Variants in PATE1 observed in about 807,000 individuals in gnomAD.
PATE1 encodes prostate and testis expressed protein 1.
PATE1 carries 21 observed loss-of-function variants against 13.1 expected under a neutral mutation model. The ratio of observed to expected loss-of-function variants is 1.61; its 90% CI spans 1.14 to 2.31. The LOEUF (loss-of-function observed/expected upper bound fraction) is 2.31. PATE1 is among the 30% of genes most tolerant of loss of function. The pLI, the probability that PATE1 is intolerant of heterozygous loss-of-function variation, is 0.00. For missense variants in PATE1, 166 were observed against 147.2 expected (o/e 1.13, Z -0.66); for synonymous variants, 52 against 47.1 (o/e 1.10, Z -0.43).
chr11:125,748,054 A>G lies in PATE1; in HGVS notation c.247+232A>G. 1.5e-5 allele frequency: 8 copies of G among 544,498 alleles called. 1 individual carries two copies. In the South Asian group the frequency reaches 1.7e-4, roughly 12 times the overall value. 33.7% of individuals were successfully genotyped at this position (544,498 alleles called of 1,614,324 possible). A position where few individuals can be genotyped will look rare whatever the true frequency, so the allele number is the denominator to read the frequency against. ...TTAGCATTTTGAGAAGCCTGAAGAA[A>G]ACAGAGGAGAATAAATCAAGGTAAG... On this transcript the variant is annotated intron_variant, in intron 4 of 4. Transcript: ENST00000305738.
At chr11:125,748,503 C>A (rs1316403347) in intron 4 of PATE1, 97 bp from the exon 5 acceptor site, 4 of 1,403,036 alleles carry the variant, frequency 2.9e-6, no homozygotes, top group East Asian at 4.6e-5. Flanking sequence ...TTGAACTACA[C>A]AAGATTATTT....
rs1173805238 is a variant in PATE1, at chr11:125,747,827, G to C, written c.247+5G>C. On this transcript the variant is annotated splice_donor_5th_base_variant and intron_variant, in intron 4 of 4. Coordinates refer to ENST00000305738, the MANE Select transcript of PATE1 (RefSeq NM_138294.3). ...TGGTTGGAAGGATGTTCAAAAGTAAGTTGTGGGTTGGGGAAAAGAAGAACG... is the reference window on the plus strand; with the variant it reads ...TGGTTGGAAGGATGTTCAAAAGTAACTTGTGGGTTGGGGAAAAGAAGAACG... The C allele has an allele frequency of 6.2e-7, 1 of 1,613,636 alleles. No homozygotes were observed. The highest frequency in any genetic ancestry group is 8.5e-7 in the Non-Finnish European group (1 of 1,179,674).
intron 2 of PATE1, 116 bp from the exon 3 acceptor site, chr11:125,747,260 G>T: frequency 1.1e-6 from 1 of 890,914 alleles, no homozygotes; most frequent in Admixed American, 1.9e-5. Flanking sequence ...AGTGGGCCTG[G>T]AATGGCTCCA....
chr11:125,748,089 G>T (rs957129653), intron 4 of PATE1: 3 of 452,768 alleles, frequency 6.6e-6, no homozygotes, highest in South Asian at 2.4e-5. Flanking sequence ...GAGAATAGGT[G>T]TAATCTATGC....
intron 3 of PATE1, 128 bp from the exon 4 acceptor site, chr11:125,747,572 G>T (rs495356): frequency 0.82 from 1,188,751 of 1,441,844 alleles, 491,358 homozygotes; most frequent in African/African-American, 0.91. Flanking sequence ...CAGAGGAAGA[G>T]GTTCACGCTT....
At chr11:125,747,348 A>T in intron 2 of PATE1, 28 bp from the exon 3 acceptor site, 1 of 1,606,514 alleles carries the variant, frequency 6.2e-7, no homozygotes, top group South Asian at 1.1e-5. Flanking sequence ...CACATTTCAG[A>T]TGTGTTTTCT....
chr11:125,748,423 C>G lies in PATE1; in HGVS notation c.248-177C>G, dbSNP rs1591456918. On this transcript the variant is annotated intron_variant, in intron 4 of 4. Transcript: ENST00000305738. ...AAATGATCATTTTAGACTGCTCCATCACTGCATTTCTTTTGGGAAGCCCCC... is the reference window on the plus strand; with the variant it reads ...AAATGATCATTTTAGACTGCTCCATGACTGCATTTCTTTTGGGAAGCCCCC... Among the ~76,000 whole-genome samples, 6 of 152,340 alleles carry G rather than the reference C, an allele frequency of 3.9e-5. No homozygotes were observed. The South Asian group carries it at 1.2e-3, about 32-fold the overall frequency.
chr11:125,747,884 A>G, intron 4 of PATE1, 62 bp downstream of exon 4: 2 of 1,604,638 alleles, frequency 1.2e-6, no homozygotes, highest in African/African-American at 1.3e-5. Context: ...CGTATCAGCC[A>G]CAGGGGAAAG....
chr11:125,747,848 G>T, intron 4 of PATE1, 26 bp downstream of exon 4: 3 of 1,613,194 alleles, frequency 1.9e-6, no homozygotes, highest in Non-Finnish European at 2.5e-6. Flanking sequence ...GGGAAAAGAA[G>T]AACGGGCAGA....
intron 2 of PATE1, 155 bp from the exon 3 acceptor site, chr11:125,747,221 C>T (rs773176352): frequency 1.5e-6 from 1 of 675,488 alleles, no homozygotes; most frequent in African/African-American, 1.8e-5. Context: ...CAGAGATGCC[C>T]AGTAGGTGAC....
In PATE1 at chr11:125,747,828, T is replaced by C. The variant is rs758659061; in HGVS notation, c.247+6T>C. ...GGTTGGAAGGATGTTCAAAAGTAAG[T>C]TGTGGGTTGGGGAAAAGAAGAACGG... On this transcript the variant is annotated splice_donor_region_variant and intron_variant, in intron 4 of 4. Coordinates refer to ENST00000305738, the MANE Select transcript of PATE1 (RefSeq NM_138294.3). The C allele has an allele frequency of 1.2e-6, 2 of 1,613,416 alleles. No homozygotes were observed. Among genetic ancestry groups the C allele is most frequent in the South Asian group, 1.1e-5 (1 of 91,048 alleles).
intron 1 of PATE1, 90 bp downstream of exon 1, chr11:125,746,446 A>C: frequency 1.4e-6 from 2 of 1,443,498 alleles, no homozygotes; most frequent in Non-Finnish European, 1.9e-6. Context: ...TGGGAGTCCT[A>C]TGGCAACTGA....
At chr11:125,746,596 A>C in intron 1 of PATE1, 65 bp from the exon 2 acceptor site, 1 of 1,576,734 alleles carries the variant, frequency 6.3e-7, no homozygotes, top group Non-Finnish European at 8.7e-7. Flanking sequence ...ATGTTCATAG[A>C]AGCTTTGAGA....
Position 125,748,833 on chromosome 11 carries a change from CACT to C in PATE1, c.*103_*105del, listed in dbSNP as rs1943304356. 1.7e-3 allele frequency: 2,300 copies of C among 1,358,202 alleles called. No individual in the cohort carries two copies. The highest frequency in any genetic ancestry group is 2.6e-3 in the Middle Eastern group (12 of 4,666). The allele number at this position is 1,358,202 out of a possible 1,614,324, so 84.1% of individuals were successfully genotyped here. Reference sequence around the variant, plus strand: ...AAAAAATCACACACACACACACACACACTACAGAAGAGGATTGCAAACACATGG... The same window carrying C: ...AAAAAATCACACACACACACACACACACAGAAGAGGATTGCAAACACATGG... On this transcript the variant is annotated 3_prime_UTR_variant, in exon 5 of 5. Transcript: ENST00000305738.
At chr11:125,747,571 A>T in intron 3 of PATE1, 129 bp from the exon 4 acceptor site, 2 of 1,449,314 alleles carry the variant, frequency 1.4e-6, no homozygotes, top group Non-Finnish European at 1.9e-6. Flanking sequence ...ACAGAGGAAG[A>T]GGTTCACGCT....
chr11:125,748,814 T>TCACACACACACA lies in PATE1; in HGVS notation c.*91_*102dup, dbSNP rs71750638. Reference sequence around the variant, plus strand: ...CTTCACAATGACTTTCTAAAAAAAATCACACACACACACACACACACTACA... The same window carrying TCACACACACACA: ...CTTCACAATGACTTTCTAAAAAAAATCACACACACACACACACACACACACACACACACTACA... On this transcript the variant is annotated 3_prime_UTR_variant, in exon 5 of 5. Coordinates refer to ENST00000305738, the MANE Select transcript of PATE1 (RefSeq NM_138294.3). 1 of 986,884 alleles carries TCACACACACACA rather than the reference T, an allele frequency of 1.0e-6. No individual in the cohort carries two copies. Among genetic ancestry groups the TCACACACACACA allele is most frequent in the Non-Finnish European group, 1.4e-6 (1 of 724,742 alleles). The allele number at this position is 986,884 out of a possible 1,614,324, so 61.1% of individuals were successfully genotyped here. A position where few individuals can be genotyped will look rare whatever the true frequency, so the allele number is the denominator to read the frequency against.
intron 1 of PATE1, 54 bp downstream of exon 1, chr11:125,746,410 G>C (rs1943272360): frequency 1.9e-6 from 3 of 1,577,946 alleles, no homozygotes; most frequent in African/African-American, 2.7e-5. Context: ...GAACAGGTGA[G>C]AGCACCCATG....
intron 4 of PATE1, 37 bp downstream of exon 4, chr11:125,747,859 G>C: frequency 6.2e-7 from 1 of 1,612,694 alleles, no homozygotes; most frequent in Non-Finnish European, 8.5e-7. Context: ...AACGGGCAGA[G>C]GACGTATACA....
At chr11:125,747,660 C>T in intron 3 of PATE1, 40 bp from the exon 4 acceptor site, 2 of 1,609,186 alleles carry the variant, frequency 1.2e-6, no homozygotes, top group East Asian at 2.2e-5. Context: ...CCTGGTAGTG[C>T]CATCTTTTCT....
Sources: gnomAD v4.1 joint callset for allele counts (sites outside exome capture counted in the v4.1 genomes callset) on GRCh38, gnomAD v4.1.1 for gene constraint, MANE v1.5 for transcripts, NCBI Gene and HGNC (gene_info 2026-07-23, HGNC 2026-07-21) for gene names.